The following NALCN variants were observed in gnomAD, a reference collection of about 807,000 sequenced individuals.
The protein encoded by NALCN is sodium leak channel NALCN.
A neutral mutation model predicts 225.3 loss-of-function variants in NALCN; 111 were observed. That is an observed-to-expected ratio of 0.49 (90% CI 0.42 to 0.58). NALCN has a LOEUF of 0.58. Ranked by LOEUF, NALCN falls within the 20% of genes least tolerant of loss-of-function variation. The pLI is 0.00. For synonymous variants in NALCN, 764 were observed against 769.0 expected, an observed-to-expected ratio of 0.99 and a Z score of 0.11; for missense variants, 1,378 against 2,202.4, an observed-to-expected ratio of 0.63 and a Z score of 7.49.
rs146835589 is a variant in NALCN, at chr13:101,260,912, G to T, written c.1135-2338C>A. Among the ~76,000 whole-genome samples, 74 of 152,128 alleles carry T rather than the reference G, an allele frequency of 4.9e-4. 2 individuals are homozygous for T. The highest frequency in any genetic ancestry group is 1.7e-3 in the African/African-American group (71 of 41,528). On this transcript the variant is annotated intron_variant, in intron 10 of 43. Transcript: ENST00000251127. The stretch of plus-strand genomic sequence containing the variant: ...TTTGTCCATTTTTGCTTTGGTTGCC[G>T]GTGCTTATGGGGGTATTGCTCATAA...
intron 3 of NALCN, among the ~76,000 whole-genome samples, chr13:101,385,192 G>A (rs1453935596): frequency 6.6e-6 from 1 of 152,006 alleles, no homozygotes; most frequent in African/African-American, 2.4e-5. Context: ...CTTTGAGCTC[G>A]GCATGTACCT....
At position 101,392,940 on chromosome 13, in the gene NALCN, T is replaced by A. The variant is rs1381067905; in HGVS notation, c.291+2243A>T. 3.9e-5 allele frequency among the ~76,000 whole-genome samples: 6 copies of A among 152,100 alleles called. No homozygotes were observed. The East Asian group carries it at 1.2e-3, about 29-fold the overall frequency. The stretch of plus-strand genomic sequence containing the variant: ...AATGATTAAATAAAATACCAAAGCA[T>A]AAATATAACCAAGAATGTGCAAAAT... On this transcript the variant is annotated intron_variant, in intron 3 of 43. Transcript: ENST00000251127.
Position 101,089,586 on chromosome 13 carries a change from G to C in NALCN, c.3489+77C>G. The C allele has an allele frequency of 7.4e-7, 1 of 1,344,638 alleles. No individual in the cohort carries two copies. Among genetic ancestry groups the C allele is most frequent in the Non-Finnish European group, 1.1e-6 (1 of 950,432 alleles). 83.3% of individuals were successfully genotyped at this position (1,344,638 alleles called of 1,614,324 possible). A position where few individuals can be genotyped will look rare whatever the true frequency, so the allele number is the denominator to read the frequency against. ...AGTTTAAAGCGGCTTCACGCCGCGT[G>C]TGAAAAGAAACAAATAGCTCAAAGT... On this transcript the variant is annotated intron_variant, in intron 30 of 43. Coordinates refer to ENST00000251127, the MANE Select transcript of NALCN (RefSeq NM_052867.4). The surrounding 1 kb of genome is among the most constrained non-coding windows in gnomAD (Gnocchi z 4.7).
chr13:101,304,027 C>A (rs1183008329), intron 7 of NALCN, among the ~76,000 whole-genome samples: 1 of 152,156 alleles, frequency 6.6e-6, no homozygotes, highest in Non-Finnish European at 1.5e-5. Flanking sequence ...GTATAACTCA[C>A]TGTTCTTGTT....
At chr13:101,291,493 G>A (rs2043550356) in intron 9 of NALCN, among the ~76,000 whole-genome samples, 1 of 152,084 alleles carries the variant, frequency 6.6e-6, no homozygotes, top group Non-Finnish European at 1.5e-5. Flanking sequence ...CTCACTGCCT[G>A]GAAGCTCTGA....
intron 11 of NALCN, 105 bp from the exon 12 acceptor site, chr13:101,238,027 C>T (rs2041625903): frequency 3.4e-6 from 3 of 892,852 alleles, no homozygotes; most frequent in Non-Finnish European, 5.1e-6. Flanking sequence ...ATCATATACA[C>T]TAAGGTGCCC....
chr13:101,346,261 C>T (rs1450640042), intron 6 of NALCN, among the ~76,000 whole-genome samples: 1 of 151,876 alleles, frequency 6.6e-6, no homozygotes, highest in Non-Finnish European at 1.5e-5. Flanking sequence ...AGAATACTAT[C>T]ACCATTACGG....
At chr13:101,192,671 A>C (rs1470849259) in intron 13 of NALCN, among the ~76,000 whole-genome samples, 1 of 147,566 alleles carries the variant, frequency 6.8e-6, no homozygotes, top group African/African-American at 2.7e-5. Flanking sequence ...CCAAAAAAAC[A>C]AACAAACAAA....
intron 7 of NALCN, among the ~76,000 whole-genome samples, chr13:101,343,036 T>C (rs1229483413): frequency 1.3e-5 from 2 of 152,154 alleles, no homozygotes; most frequent in African/African-American, 4.8e-5. Context: ...GCCAAATTCA[T>C]ATGCATAATT....
intron 6 of NALCN, among the ~76,000 whole-genome samples, chr13:101,350,983 A>G (rs1421163040): frequency 1.1e-4 from 16 of 152,174 alleles, no homozygotes; most frequent in Admixed American, 8.5e-4. Flanking sequence ...CTGTATCTAT[A>G]GACATATCTT....
At position 101,362,078 on chromosome 13, in the gene NALCN, T is replaced by G. The variant is rs115696077; in HGVS notation, c.644+14622A>C. Among the ~76,000 whole-genome samples the G allele has an allele frequency of 7.4e-3, 1,120 of 152,090 alleles. 7 individuals are homozygous for G. Among genetic ancestry groups the G allele is most frequent in the African/African-American group, 0.025 (1,040 of 41,532 alleles). On this transcript the variant is annotated intron_variant, in intron 6 of 43. Transcript: ENST00000251127. ...GTGGTTCACATCTTGGAGATCAATGTGCAGAACAATTTTAAAAGAGATATA... is the reference window on the plus strand; with the variant it reads ...GTGGTTCACATCTTGGAGATCAATGGGCAGAACAATTTTAAAAGAGATATA...
At chr13:101,255,209 T>C (rs1417635782) in intron 11 of NALCN, among the ~76,000 whole-genome samples, 3 of 152,226 alleles carry the variant, frequency 2.0e-5, no homozygotes, top group Admixed American at 2.0e-4. Context: ...CCCTGGACTC[T>C]ACAATACACT....
intron 2 of NALCN, among the ~76,000 whole-genome samples, chr13:101,396,223 A>G (rs1396477306): frequency 6.6e-6 from 1 of 152,062 alleles, no homozygotes; most frequent in Non-Finnish European, 1.5e-5. Flanking sequence ...ACATACAATC[A>G]CTCATACTCA....
chr13:101,140,135 T>TC (rs2036997186), intron 17 of NALCN, among the ~76,000 whole-genome samples: 1 of 152,132 alleles, frequency 6.6e-6, no homozygotes, highest in African/African-American at 2.4e-5. Context: ...CATAATAGGG[T>TC]CCTCTGATGA....
chr13:101,326,949 A>T (rs1480691726), intron 7 of NALCN, among the ~76,000 whole-genome samples: 1 of 152,200 alleles, frequency 6.6e-6, no homozygotes, highest in African/African-American at 2.4e-5. Context: ...ATCTTAGGGC[A>T]GTACTCAGAT....
chr13:101,409,368 G>A (rs936860532), intron 1 of NALCN, among the ~76,000 whole-genome samples: 2 of 152,120 alleles, frequency 1.3e-5, no homozygotes, highest in African/African-American at 4.8e-5. Context: ...GTTAACTACA[G>A]GCACAATGTC....
At chr13:101,149,247 T>C (rs1429833856) in intron 15 of NALCN, among the ~76,000 whole-genome samples, 3 of 150,306 alleles carry the variant, frequency 2.0e-5, no homozygotes, top group Admixed American at 1.3e-4. Flanking sequence ...GAGCCAAGAT[T>C]GTGCCACTGC....
rs137987377 is a variant in NALCN, at chr13:101,081,008, A to ACACTTC, written c.3885+518_3885+519insGAAGTG. Among the ~76,000 whole-genome samples, 155 of 152,272 alleles carry ACACTTC rather than the reference A, an allele frequency of 1.0e-3. 3 individuals are homozygous for ACACTTC. The East Asian group carries it at 0.029, about 28-fold the overall frequency. ...GAGAACACAGATATAGAGATGGAGA[A>ACACTTC]TCATATGCTTTAGAGAAGTGGAGGC... On this transcript the variant is annotated intron_variant, in intron 34 of 43. Transcript: ENST00000251127.
At chr13:101,215,415 A>T (rs1334045455) in intron 13 of NALCN, among the ~76,000 whole-genome samples, 1 of 152,174 alleles carries the variant, frequency 6.6e-6, no homozygotes, top group South Asian at 2.1e-4. Context: ...AAGCAGCTTA[A>T]CACTCATTTG....
Sources: gnomAD v4.1 joint callset for allele counts (sites outside exome capture counted in the v4.1 genomes callset) on GRCh38, gnomAD v4.1.1 for gene constraint, Gnocchi (gnomAD v3.1) non-coding constraint, MANE v1.5 for transcripts, NCBI Gene and HGNC (gene_info 2026-07-23, HGNC 2026-07-21) for gene names.